Variants in TNR observed in about 807,000 individuals in gnomAD.
TNR encodes tenascin R.
In TNR, 45 loss-of-function variants were observed where a neutral mutation model predicts 150.4. The ratio of observed to expected loss-of-function variants is 0.30; its 90% confidence interval spans 0.24 to 0.38. The LOEUF (loss-of-function observed/expected upper bound fraction) is 0.38. Among genes scored for constraint, TNR ranks in the 10% least tolerant of loss-of-function variants. The pLI is 1.00. For missense variants in TNR, 1,544 were observed against 1,759.1 expected (o/e 0.88, Z 2.19); for synonymous variants, 687 against 678.4 (o/e 1.01, Z -0.20).
At chr1:175,640,130 G>A (rs754768942) in intron 1 of TNR, among the ~76,000 whole-genome samples, 9 of 152,204 alleles carry the variant, frequency 5.9e-5, no homozygotes, top group Non-Finnish European at 1.0e-4. Flanking sequence ...TGAGTAAATA[G>A]GTAATTCCAG....
intron 2 of TNR, among the ~76,000 whole-genome samples, chr1:175,421,693 A>G (rs1477741816): frequency 1.3e-5 from 2 of 152,242 alleles, no homozygotes; most frequent in Non-Finnish European, 2.9e-5. Flanking sequence ...TCTCCAAAAT[A>G]ACAAGATCTC....
At chr1:175,565,402 A>C (rs1661601579) in intron 1 of TNR, among the ~76,000 whole-genome samples, 1 of 152,208 alleles carries the variant, frequency 6.6e-6, no homozygotes, top group African/African-American at 2.4e-5. Flanking sequence ...AATATACAGT[A>C]TTAGATTTGA....
chr1:175,705,092 T>C (rs1666810014), intron 1 of TNR, among the ~76,000 whole-genome samples: 2 of 152,160 alleles, frequency 1.3e-5, no homozygotes, highest in Non-Finnish European at 2.9e-5. Flanking sequence ...GTGTGAGCTC[T>C]CCTTGACACA....
At chr1:175,634,968 T>C (rs1321101595) in intron 1 of TNR, among the ~76,000 whole-genome samples, 4 of 152,216 alleles carry the variant, frequency 2.6e-5, no homozygotes, top group Non-Finnish European at 5.9e-5. Flanking sequence ...CCCAAACCAA[T>C]ATCCTAAAGC....
At chr1:175,677,942 G>A (rs1004190406) in intron 1 of TNR, among the ~76,000 whole-genome samples, 25 of 152,228 alleles carry the variant, frequency 1.6e-4, no homozygotes, top group Admixed American at 1.4e-3. Context: ...GGGGCTAGGA[G>A]TAAGTGCCAG....
intron 9 of TNR, among the ~76,000 whole-genome samples, chr1:175,373,088 T>C (rs894646436): frequency 1.3e-5 from 2 of 152,190 alleles, no homozygotes; most frequent in Non-Finnish European, 2.9e-5. Flanking sequence ...AGCAGCATGG[T>C]GCTGGTGGCA....
intron 1 of TNR, among the ~76,000 whole-genome samples, chr1:175,699,622 GCTGT>G (rs1461836894): frequency 1.3e-5 from 2 of 152,094 alleles, no homozygotes; most frequent in Non-Finnish European, 2.9e-5. Flanking sequence ...GGATCCATGG[GCTGT>G]CTATTTTGGT....
chr1:175,482,709 C>T (rs576415922), intron 2 of TNR, among the ~76,000 whole-genome samples: 58 of 152,146 alleles, frequency 3.8e-4, no homozygotes, highest in Non-Finnish European at 7.2e-4. Context: ...TGGCTAGAAA[C>T]AATCCAATAA....
chr1:175,462,554 C>T (rs1186227290), intron 2 of TNR, among the ~76,000 whole-genome samples: 3 of 152,152 alleles, frequency 2.0e-5, no homozygotes, highest in African/African-American at 7.2e-5. Context: ...CTCCGGAGTT[C>T]TTATTTGGCA....
intron 1 of TNR, among the ~76,000 whole-genome samples, chr1:175,548,450 T>C (rs1317410262): frequency 6.6e-6 from 1 of 152,098 alleles, no homozygotes; most frequent in Non-Finnish European, 1.5e-5. Context: ...GATGCCAAGT[T>C]GGCTATAATG....
chr1:175,452,666 A>G (rs565533405), intron 2 of TNR, among the ~76,000 whole-genome samples: 2 of 152,310 alleles, frequency 1.3e-5, no homozygotes, highest in South Asian at 4.1e-4. Flanking sequence ...GAGGGAAAAG[A>G]GTTTAAATTG....
rs1649786837 is a variant in TNR, at chr1:175,331,051, T to TTCTTTCTTTCTTTCTTTCTTTCTG, written c.3632-817_3632-816insCAGAAAGAAAGAAAGAAAGAAAGA. On this transcript the variant is annotated intron_variant, in intron 20 of 22. Transcript: ENST00000367674. ...TTTCTTTCTTTCTTTCTTTCTTTCT[T>TTCTTTCTTTCTTTCTTTCTTTCTG]TCTTTCTTTCTTTCTTTCTTTCTTT... Among the ~76,000 whole-genome samples the TTCTTTCTTTCTTTCTTTCTTTCTG allele has an allele frequency of 8.7e-4, 93 of 106,766 alleles. 5 individuals carry two copies. The highest frequency in any genetic ancestry group is 3.3e-3 in the African/African-American group (91 of 27,848). 70.0% of individuals were successfully genotyped at this position (106,766 alleles called of 152,430 possible). A position where few individuals can be genotyped will look rare whatever the true frequency, so the allele number is the denominator to read the frequency against.
rs10489323 is a variant in TNR at position 175,321,430 on chromosome 1, G to A, written c.*1927C>T. 0.16 allele frequency: 23,772 copies of A among 152,130 alleles called. 2,023 individuals are homozygous for A. Among genetic ancestry groups the A allele is most frequent in the African/African-American group, 0.19 (8,048 of 41,458 alleles). 9.4% of individuals were successfully genotyped at this position (152,130 alleles called of 1,614,324 possible). A position where few individuals can be genotyped will look rare whatever the true frequency, so the allele number is the denominator to read the frequency against. ...AGGATATTTCCATTAGAAAATTGCC[G>A]ACACTAAGGCTCATCCAGTAACTGG... On this transcript the variant is annotated 3_prime_UTR_variant, in exon 23 of 23. Transcript: ENST00000367674.
In TNR at chr1:175,545,994, T is replaced by C. The variant is rs768877372; in HGVS notation, c.-164-17625A>G. Among the ~76,000 whole-genome samples the C allele has an allele frequency of 3.9e-4, 59 of 151,546 alleles. 1 individual carries two copies. Among genetic ancestry groups the C allele is most frequent in the Non-Finnish European group, 7.4e-4 (50 of 67,964 alleles). On this transcript the variant is annotated intron_variant, in intron 1 of 22. Coordinates refer to ENST00000367674, the MANE Select transcript of TNR (RefSeq NM_003285.3). ...AGTTCTGGCTTCCTGGAGAGTGGAA[T>C]TGGAATGTGAAGAACACTGAGGCTT...
intron 1 of TNR, among the ~76,000 whole-genome samples, chr1:175,642,445 G>A (rs1664694186): frequency 6.6e-6 from 1 of 152,164 alleles, no homozygotes; most frequent in Admixed American, 6.5e-5. Context: ...TAGGAACTTG[G>A]GCTTTTTGTA....
At chr1:175,687,676 A>G (rs532225693) in intron 1 of TNR, among the ~76,000 whole-genome samples, 3 of 151,752 alleles carry the variant, frequency 2.0e-5, no homozygotes, top group Non-Finnish European at 4.4e-5. Context: ...TTTCTTTTCG[A>G]AAGACAATAA....
chr1:175,669,328 C>G (rs78165023), intron 1 of TNR, among the ~76,000 whole-genome samples: 2 of 152,206 alleles, frequency 1.3e-5, no homozygotes, highest in Non-Finnish European at 2.9e-5. Context: ...AGGCGCTCAA[C>G]ATGGTTGATG....
chr1:175,553,298 C>A (rs77609031), intron 1 of TNR, among the ~76,000 whole-genome samples: 1 of 152,168 alleles, frequency 6.6e-6, no homozygotes, highest in Non-Finnish European at 1.5e-5. Flanking sequence ...GAGCCACCAA[C>A]ACTTTTTCCA....
At chr1:175,367,835 C>G (rs1045404292) in intron 9 of TNR, among the ~76,000 whole-genome samples, 1 of 152,056 alleles carries the variant, frequency 6.6e-6, no homozygotes, top group Admixed American at 6.5e-5. Flanking sequence ...ACAGGGCTGT[C>G]GAGTAGGAGC....
Sources: gnomAD v4.1 joint callset for allele counts (sites outside exome capture counted in the v4.1 genomes callset) on GRCh38, gnomAD v4.1.1 for gene constraint, MANE v1.5 for transcripts, NCBI Gene and HGNC (gene_info 2026-07-23, HGNC 2026-07-21) for gene names.